WDR11: variants seen among roughly 807,000 people sequenced by gnomAD.
The protein encoded by WDR11 is WD repeat-containing protein 11.
Under a neutral mutation model 151.2 loss-of-function variants are expected in WDR11, and 83 were observed. The ratio of observed to expected loss-of-function variants is 0.55; its 90% CI spans 0.46 to 0.66. The LOEUF (loss-of-function observed/expected upper bound fraction) is 0.66, where lower values mean the gene tolerates loss of function less well. Among genes scored for constraint, WDR11 ranks in the 30% least tolerant of loss-of-function variants. The probability of loss-of-function intolerance (pLI) is 0.00; values close to 1 mark genes in which losing one functional copy is unlikely to be tolerated. For synonymous variants in WDR11, 484 were observed against 533.1 expected, an observed-to-expected ratio of 0.91 and a Z score of 1.27; for missense variants, 1,301 against 1,480.9, an observed-to-expected ratio of 0.88 and a Z score of 1.99.
chr10:120,854,015 T>G (rs566616571), intron 2 of WDR11, among the ~76,000 whole-genome samples: 1 of 152,304 alleles, frequency 6.6e-6, no homozygotes, highest in South Asian at 2.1e-4. Context: ...GGAGTCTTTT[T>G]CTTTTTTAAA....
chr10:120,858,114 G>T, intron 2 of WDR11, among the ~76,000 whole-genome samples: 1 of 147,912 alleles, frequency 6.8e-6, no homozygotes. Context: ...TGTTAATCAT[G>T]TTGCTATAGG....
chr10:120,895,384 C>T (rs1847576675), intron 19 of WDR11, among the ~76,000 whole-genome samples: 1 of 152,116 alleles, frequency 6.6e-6, no homozygotes, highest in Admixed American at 6.5e-5. Context: ...GTAAGCTAGC[C>T]ACCTGCATCC....
chr10:120,872,584 G>T (rs1019600696), intron 10 of WDR11, among the ~76,000 whole-genome samples: 1 of 140,478 alleles, frequency 7.1e-6, no homozygotes, highest in Non-Finnish European at 1.6e-5. Flanking sequence ...GTACCTAAAA[G>T]TTTGTCTAGA....
rs1845791850 is a variant in WDR11, at chr10:120,851,971, C to A, written c.86+465C>A. 3 of 238,832 alleles carry A rather than the reference C, an allele frequency of 1.3e-5. No individual in the cohort carries two copies. In the South Asian group the frequency reaches 1.7e-4, roughly 13 times the overall value. 14.8% of individuals were successfully genotyped at this position (238,832 alleles called of 1,614,324 possible). On this transcript the variant is annotated intron_variant, in intron 1 of 28. Coordinates refer to ENST00000263461, the MANE Select transcript of WDR11 (RefSeq NM_018117.12). Reference sequence around the variant, plus strand: ...GTCCTTTTCACCTCTTTTCGGGCTCCTCCTGTGTAGAACATTCCTGCCTTC... The same window carrying A: ...GTCCTTTTCACCTCTTTTCGGGCTCATCCTGTGTAGAACATTCCTGCCTTC...
At chr10:120,875,731 C>G (rs1215567059) in intron 11 of WDR11, among the ~76,000 whole-genome samples, 1 of 152,002 alleles carries the variant, frequency 6.6e-6, no homozygotes, top group African/African-American at 2.4e-5. Flanking sequence ...TGTTGAACTC[C>G]TCACCTCAAG....
chr10:120,851,549 T>C, intron 1 of WDR11, 43 bp downstream of exon 1: 1 of 1,591,964 alleles, frequency 6.3e-7, no homozygotes, highest in Non-Finnish European at 8.5e-7. Flanking sequence ...CGGCCAGGAA[T>C]GTGTGAGGGG....
intron 14 of WDR11, among the ~76,000 whole-genome samples, chr10:120,885,348 A>G (rs111985826): frequency 6.6e-4 from 100 of 152,112 alleles, no homozygotes; most frequent in African/African-American, 2.3e-3. Flanking sequence ...TTAGATAATA[A>G]CTACATGTTA....
intron 9 of WDR11, among the ~76,000 whole-genome samples, chr10:120,869,844 C>T (rs1400754063): frequency 4.6e-5 from 7 of 152,116 alleles, no homozygotes; most frequent in South Asian, 4.2e-4. Context: ...GGCTGGAGTG[C>T]GGTGGCGCAA....
intron 19 of WDR11, among the ~76,000 whole-genome samples, chr10:120,895,720 T>C (rs2133801597): frequency 1.3e-5 from 2 of 152,248 alleles, no homozygotes; most frequent in African/African-American, 4.8e-5. Flanking sequence ...TTTGACCTCC[T>C]ACTGGTAAGG....
At chr10:120,857,060 G>A (rs1845972368) in intron 2 of WDR11, among the ~76,000 whole-genome samples, 1 of 151,526 alleles carries the variant, frequency 6.6e-6, no homozygotes, top group Non-Finnish European at 1.5e-5. Flanking sequence ...AACAACACAT[G>A]CCTGAGCAAA....
At position 120,885,860 on chromosome 10, in the gene WDR11, T is replaced by A; in HGVS notation, c.1895T>A (p.Leu632His). Residue 632 changes from leucine (L) to histidine (H), a missense_variant, in exon 15 of 29, where the codon CTT (leucine) becomes CAT (histidine). By Grantham distance (99) the Leu-to-His change is moderately conservative (BLOSUM62 -3). This residue lies in a region of WDR11 where 20 missense variants were observed against 47.8 expected (regional missense o/e 0.42). Transcript: ENST00000263461. ...HNLKSLRKKQ[L>H]ATREAMARQT... Reference sequence around the variant, plus strand: ...TTGAAGAGCCTGAGAAAGAAGCAACTTGCAACTCGAGAGGCCATGGCCCGC... The same window carrying A: ...TTGAAGAGCCTGAGAAAGAAGCAACATGCAACTCGAGAGGCCATGGCCCGC... 1 of 1,613,860 alleles carries A rather than the reference T, an allele frequency of 6.2e-7. No individual in the cohort carries two copies. Among genetic ancestry groups the A allele is most frequent in the Non-Finnish European group, 8.5e-7 (1 of 1,179,826 alleles).
Position 120,858,719 on chromosome 10 carries a change from A to T in WDR11, c.275A>T (p.Asn92Ile). ...TTACGGTTAGCTTCTGCTGATGTCA[A>T]TGGGAAGATCATCGTCTGGGATGTA... ...YCLRLASADVNGKIIVWDVAA... is the reference protein window; with the variant it reads ...YCLRLASADVIGKIIVWDVAA... The change falls in exon 3 of 29, where the codon AAT (asparagine) becomes ATT (isoleucine). Residue 92 changes from asparagine to isoleucine, a missense_variant. Physicochemically the swap from Asn to Ile is moderately radical, Grantham distance 149. Around this residue, in one of 3 missense-constraint regions of WDR11, gnomAD observed 692 missense variants for 762.5 expected, o/e 0.91. Coordinates refer to ENST00000263461, the MANE Select transcript of WDR11 (RefSeq NM_018117.12). 1.2e-6 allele frequency: 2 copies of T among 1,614,194 alleles called. No individual in the cohort carries two copies. Among genetic ancestry groups the T allele is most frequent in the Non-Finnish European group, 1.7e-6 (2 of 1,180,042 alleles).
At chr10:120,856,997 G>A (rs1294495216) in intron 2 of WDR11, among the ~76,000 whole-genome samples, 3 of 151,924 alleles carry the variant, frequency 2.0e-5, no homozygotes, top group Non-Finnish European at 2.9e-5. Flanking sequence ...ATGTGTTTCC[G>A]TTTAAAGACA....
At chr10:120,875,970 T>A (rs1375027106) in intron 11 of WDR11, among the ~76,000 whole-genome samples, 1 of 134,260 alleles carries the variant, frequency 7.4e-6, no homozygotes, top group Non-Finnish European at 1.6e-5. Flanking sequence ...AGGGTTAACC[T>A]TTTTTTTCTT....
chr10:120,900,282 AG>A, intron 20 of WDR11, 145 bp downstream of exon 20: 2 of 767,288 alleles, frequency 2.6e-6, no homozygotes, highest in Admixed American at 4.3e-5. Flanking sequence ...CAGAATTGCC[AG>A]GCTGCCTCTG....
chr10:120,867,240 C>T, intron 9 of WDR11, 71 bp downstream of exon 9: 2 of 1,101,044 alleles, frequency 1.8e-6, no homozygotes, highest in East Asian at 2.4e-5. Flanking sequence ...GAATCACTCA[C>T]TTGTAATTAT....
rs996246336 is a variant in WDR11, at chr10:120,852,216, G to C, written c.87-308G>C. 8.4e-6 allele frequency: 3 copies of C among 356,184 alleles called. No homozygotes were observed. In the East Asian group the frequency reaches 2.0e-4, roughly 24 times the overall value. The allele number at this position is 356,184 out of a possible 1,614,324, so 22.1% of individuals were successfully genotyped here. On this transcript the variant is annotated intron_variant, in intron 1 of 28. Transcript: ENST00000263461. The stretch of plus-strand genomic sequence containing the variant: ...TGTGGATACTAAGGATTAGAAATCG[G>C]ATAAGCGAAAGACGTATGCCTACAA...
chr10:120,880,580 A>T (rs929993707), intron 12 of WDR11: 13 of 425,438 alleles, frequency 3.1e-5, no homozygotes, highest in Admixed American at 1.5e-4. Flanking sequence ...AATCACTTGA[A>T]CCTGGGAGGC....
intron 21 of WDR11, 66 bp from the exon 22 acceptor site, chr10:120,902,191 C>A: frequency 7.6e-7 from 1 of 1,314,738 alleles, no homozygotes; most frequent in South Asian, 1.2e-5. Flanking sequence ...GTATATTGAT[C>A]AACCCCCATG....
Sources: gnomAD v4.1 joint callset for allele counts (sites outside exome capture counted in the v4.1 genomes callset) on GRCh38, gnomAD v4.1.1 for gene constraint, gnomAD v4.1.1 regional missense constraint, MANE v1.5 for transcripts, NCBI Gene and HGNC (gene_info 2026-07-23, HGNC 2026-07-21) for gene names.